POLK: variants seen among roughly 807,000 people sequenced by gnomAD.
The protein encoded by POLK is polymerase (DNA directed) kappa.
Under a neutral mutation model 94.0 loss-of-function variants are expected in POLK, and 76 were observed. The ratio of observed to expected loss-of-function variants is 0.81; its 90% confidence interval spans 0.67 to 0.98. The LOEUF (loss-of-function observed/expected upper bound fraction) is 0.98, where lower values mean the gene tolerates loss of function less well. POLK is among the 50% of genes least tolerant of loss of function. The pLI is 0.00. For synonymous variants in POLK, 349 were observed against 325.4 expected (o/e 1.07, Z -0.78); for missense variants, 954 against 1,010.1 (o/e 0.94, Z 0.75).
chr5:75,549,606 C>T lies in POLK; in HGVS notation c.135+2449C>T, dbSNP rs1444269878. Among the ~76,000 whole-genome samples, 6 of 151,946 alleles carry T rather than the reference C, an allele frequency of 3.9e-5. No homozygotes were observed. In the South Asian group the frequency reaches 1.0e-3, roughly 26 times the overall value. On this transcript the variant is annotated intron_variant, in intron 2 of 14. Transcript: ENST00000241436. ...AATACATAGAATAATATATATTCCT[C>T]TAGTGCATGAGGTGAGTTTATCATA...
At chr5:75,559,503 T>TTG (rs1230722394) in intron 3 of POLK, among the ~76,000 whole-genome samples, 10 of 146,926 alleles carry the variant, frequency 6.8e-5, no homozygotes, top group African/African-American at 2.0e-4. Flanking sequence ...GATTTGGGGT[T>TTG]TGTTTTTTTG....
chr5:75,524,656 C>CA (rs1318871683), intron 1 of POLK, among the ~76,000 whole-genome samples: 1 of 151,446 alleles, frequency 6.6e-6, no homozygotes. Flanking sequence ...GGGTCTGGAA[C>CA]AAAAAACAGA....
intron 6 of POLK, among the ~76,000 whole-genome samples, chr5:75,580,890 G>T (rs1222985937): frequency 1.3e-5 from 2 of 149,168 alleles, no homozygotes; most frequent in South Asian, 2.1e-4. Flanking sequence ...TAAGAAAAAG[G>T]TAATGTGAAC....
At chr5:75,561,148 T>C (rs1157659737) in intron 3 of POLK, among the ~76,000 whole-genome samples, 1 of 152,218 alleles carries the variant, frequency 6.6e-6, no homozygotes, top group Non-Finnish European at 1.5e-5. Context: ...AAAGCATTCC[T>C]ATTTCTCCAC....
chr5:75,546,810 C>T (rs1196963538), intron 1 of POLK, among the ~76,000 whole-genome samples, 200 bp from the exon 2 acceptor site: 1 of 152,016 alleles, frequency 6.6e-6, no homozygotes, highest in East Asian at 1.9e-4. Context: ...GGACTACAGG[C>T]GCATGCCGTC....
At chr5:75,544,462 C>T (rs923347639) in intron 1 of POLK, among the ~76,000 whole-genome samples, 1 of 151,996 alleles carries the variant, frequency 6.6e-6, no homozygotes, top group Non-Finnish European at 1.5e-5. Flanking sequence ...GCTAACATGA[C>T]GAAACCCCAT....
At position 75,597,069 on chromosome 5, in the gene POLK, C is replaced by G. The variant is rs781683652; in HGVS notation, c.2376C>G (p.Thr792=). ...TAGAACAAAAGACTTCAGATCTAACCCTGTTCAATGTGCATGTGGATGTTT... is the reference window on the plus strand; with the variant it reads ...TAGAACAAAAGACTTCAGATCTAACGCTGTTCAATGTGCATGTGGATGTTT... Residue 792 remains threonine, a synonymous_variant, in exon 13 of 15, where the codon ACC becomes ACG. Transcript: ENST00000241436. The G allele has an allele frequency of 3.1e-6, 5 of 1,612,940 alleles. No individual in the cohort carries two copies. The Admixed American group carries it at 6.7e-5, about 22-fold the overall frequency.
Position 75,520,876 on chromosome 5 carries a change from G to A in POLK, c.-14+8962G>A, listed in dbSNP as rs564513922. ...TTCCTTTTTTGTAGTTGAAGGATGG[G>A]TTTGCTGAATATAATATTCTTCAAT... On this transcript the variant is annotated intron_variant, in intron 1 of 14. Coordinates refer to ENST00000241436, the Ensembl canonical transcript of POLK. Among the ~76,000 whole-genome samples, 4 of 152,170 alleles carry A rather than the reference G, an allele frequency of 2.6e-5. No homozygotes were observed. In the South Asian group the frequency reaches 6.2e-4, roughly 24 times the overall value.
chr5:75,510,833 T>C (rs981224730), upstream of POLK, among the ~76,000 whole-genome samples: 2 of 152,176 alleles, frequency 1.3e-5, no homozygotes, highest in Non-Finnish European at 2.9e-5. Flanking sequence ...CCGGGACAGC[T>C]GCCGCCCTAA....
intron 9 of POLK, among the ~76,000 whole-genome samples, chr5:75,585,425 A>G (rs1419538070): frequency 2.0e-5 from 3 of 152,228 alleles, no homozygotes; most frequent in East Asian, 1.9e-4. Flanking sequence ...TCCTGCCCTC[A>G]TGGAGTTTAC....
At chr5:75,512,562 C>T (rs1026467846) in intron 1 of POLK, 1 of 152,088 alleles carries the variant, frequency 6.6e-6, no homozygotes, top group Non-Finnish European at 1.5e-5. Context: ...TTTGTGTGTA[C>T]AAGGGATTAG....
exon 15 of POLK, chr5:75,598,021 A>G (rs774905355): frequency 3.7e-6 from 4 of 1,071,388 alleles, no homozygotes; most frequent in Non-Finnish European, 1.4e-6. Flanking sequence ...TTAAGTAAAC[A>G]TTGAACATTT....
chr5:75,546,696 C>T (rs1770039276), intron 1 of POLK, among the ~76,000 whole-genome samples: 2 of 136,862 alleles, frequency 1.5e-5, no homozygotes, highest in Non-Finnish European at 3.0e-5. Context: ...GACAAAGTCT[C>T]GCTCTGTCCC....
Position 75,525,100 on chromosome 5 carries a change from T to A in POLK, c.-14+13186T>A, listed in dbSNP as rs147173112. Among the ~76,000 whole-genome samples the A allele has an allele frequency of 1.1e-3, 164 of 152,284 alleles. 1 individual carries two copies. In the East Asian group the frequency reaches 0.027, roughly 25 times the overall value. ...ATCTAGAGTTCTTACAACATAGCAT[T>A]TACAGTATCGAGGATATAATCTAAA... On this transcript the variant is annotated intron_variant, in intron 1 of 14. Coordinates refer to ENST00000241436, the Ensembl canonical transcript of POLK.
At chr5:75,585,575 C>G (rs1213094437) in intron 9 of POLK, among the ~76,000 whole-genome samples, 2 of 152,072 alleles carry the variant, frequency 1.3e-5, no homozygotes, top group African/African-American at 2.4e-5. Flanking sequence ...AGGGAGCCAG[C>G]CATGCAAAGG....
intron 1 of POLK, among the ~76,000 whole-genome samples, chr5:75,521,526 C>T (rs1487264440): frequency 1.3e-5 from 2 of 152,112 alleles, no homozygotes; most frequent in Non-Finnish European, 2.9e-5. Flanking sequence ...CACTGAGTTT[C>T]CATAAAATCA....
intron 1 of POLK, among the ~76,000 whole-genome samples, chr5:75,528,957 T>C (rs1157594926): frequency 6.6e-6 from 1 of 152,220 alleles, no homozygotes; most frequent in African/African-American, 2.4e-5. Flanking sequence ...AATCCACGAT[T>C]GCTCAAGTCC....
At chr5:75,543,931 T>A (rs901449867) in intron 1 of POLK, among the ~76,000 whole-genome samples, 20 of 152,258 alleles carry the variant, frequency 1.3e-4, no homozygotes, top group African/African-American at 4.6e-4. Flanking sequence ...CCTCCCAGGC[T>A]CAAGTGAAAC....
At chr5:75,530,810 C>CTTTT (rs1166307868) in intron 1 of POLK, among the ~76,000 whole-genome samples, 1 of 133,818 alleles carries the variant, frequency 7.5e-6, no homozygotes, top group South Asian at 2.4e-4. Flanking sequence ...CTTTTCTTTT[C>CTTTT]TTTTTTTTTT....
Sources: gnomAD v4.1 joint callset for allele counts (sites outside exome capture counted in the v4.1 genomes callset) on GRCh38, gnomAD v4.1.1 for gene constraint, MANE v1.5 for transcripts, NCBI Gene and HGNC (gene_info 2026-07-23, HGNC 2026-07-21) for gene names.